VAV3: variants seen among roughly 807,000 people sequenced by gnomAD.
VAV3 encodes the protein guanine nucleotide exchange factor VAV3.
VAV3 carries 94 observed loss-of-function variants against 131.2 expected under a neutral mutation model. The observed-to-expected ratio is 0.72, with a 90% CI of 0.61 to 0.85. The LOEUF is 0.85. Ranked by LOEUF, VAV3 falls within the 40% of genes least tolerant of loss-of-function variation. The pLI is 0.00. For synonymous variants in VAV3, 349 were observed against 342.0 expected, an observed-to-expected ratio of 1.02 and a Z score of -0.22; for missense variants, 939 against 1,002.7, an observed-to-expected ratio of 0.94 and a Z score of 0.86.
chr1:107,777,772 T>C (rs1028053110), intron 3 of VAV3: 4 of 157,830 alleles, frequency 2.5e-5, no homozygotes, highest in Admixed American at 1.3e-4. Context: ...AGATGAAAAC[T>C]AGTAGAAGAC....
At chr1:107,751,045 A>T (rs1026336536) in intron 13 of VAV3, 72 bp downstream of exon 13, 1 of 1,440,722 alleles carries the variant, frequency 6.9e-7, no homozygotes, top group Middle Eastern at 2.1e-4. Flanking sequence ...CACTGGAAAA[A>T]TTGTCTTTAA....
chr1:107,884,020 A>T (rs1333530861), intron 1 of VAV3, among the ~76,000 whole-genome samples: 1 of 152,056 alleles, frequency 6.6e-6, no homozygotes, highest in Non-Finnish European at 1.5e-5. Flanking sequence ...TTCCTAAGTT[A>T]ATTAACCTGC....
intron 2 of VAV3, among the ~76,000 whole-genome samples, chr1:107,793,174 G>A (rs929131611): frequency 3.9e-5 from 6 of 152,010 alleles, no homozygotes; most frequent in African/African-American, 7.3e-5. Flanking sequence ...TTTTAGAGAC[G>A]GCTAAACTGA....
intron 24 of VAV3, among the ~76,000 whole-genome samples, chr1:107,600,532 CATAACAT>C (rs1651764374): frequency 6.6e-6 from 1 of 152,154 alleles, no homozygotes; most frequent in African/African-American, 2.4e-5. Flanking sequence ...AGATTTTATA[CATAACAT>C]ATAAGAAAAG....
At chr1:107,880,594 G>A (rs767256423) in intron 1 of VAV3, among the ~76,000 whole-genome samples, 28 of 152,098 alleles carry the variant, frequency 1.8e-4, no homozygotes, top group Non-Finnish European at 2.9e-4. Flanking sequence ...TCAGGAGCTC[G>A]AGACCAGCCT....
chr1:107,573,976 C>T (rs1570538803), intron 26 of VAV3, 71 bp downstream of exon 26: 1 of 1,575,692 alleles, frequency 6.3e-7, no homozygotes, highest in Non-Finnish European at 8.6e-7. Context: ...TCCCTGGTGC[C>T]ACAATGGGTG....
intron 15 of VAV3, among the ~76,000 whole-genome samples, chr1:107,729,670 C>T (rs922899359): frequency 6.6e-5 from 10 of 152,164 alleles, no homozygotes; most frequent in Non-Finnish European, 1.3e-4. Context: ...TAAACTGCTC[C>T]ATCATAATTT....
At chr1:107,634,952 T>G (rs1654800692) in intron 20 of VAV3, among the ~76,000 whole-genome samples, 1 of 151,618 alleles carries the variant, frequency 6.6e-6, no homozygotes, top group African/African-American at 2.4e-5. Context: ...ATGGCAATCA[T>G]TAAAAAGTCA....
At chr1:107,733,787 G>A (rs1331253226) in intron 15 of VAV3, among the ~76,000 whole-genome samples, 1 of 152,180 alleles carries the variant, frequency 6.6e-6, no homozygotes, top group Non-Finnish European at 1.5e-5. Flanking sequence ...AAAGTGACAG[G>A]GAGAATGGAA....
At chr1:107,850,577 G>C (rs773800520) in intron 2 of VAV3, among the ~76,000 whole-genome samples, 72 of 152,040 alleles carry the variant, frequency 4.7e-4, no homozygotes, top group Admixed American at 9.2e-4. Context: ...GTCGAGGGGT[G>C]GGGGGCAAGG....
intron 20 of VAV3, among the ~76,000 whole-genome samples, chr1:107,624,374 CTGTGTGTGTGTG>C (rs59476510): frequency 5.4e-4 from 77 of 143,184 alleles, no homozygotes; most frequent in South Asian, 2.1e-3. Flanking sequence ...AGTCTTATGA[CTGTGTGTGTGTG>C]TGTGTGTGTG....
chr1:107,934,584 T>C (rs941574824), intron 1 of VAV3, among the ~76,000 whole-genome samples: 4 of 152,198 alleles, frequency 2.6e-5, no homozygotes, highest in Non-Finnish European at 5.9e-5. Flanking sequence ...CTATGAAAAG[T>C]ATAGTTCTAA....
At chr1:107,592,057 G>A (rs1045508173) in intron 25 of VAV3, among the ~76,000 whole-genome samples, 1 of 104,968 alleles carries the variant, frequency 9.5e-6, no homozygotes, top group African/African-American at 3.1e-5. Context: ...ATATACATAC[G>A]TGTGTGTGTG....
intron 25 of VAV3, 100 bp from the exon 26 acceptor site, chr1:107,574,298 C>A: frequency 1.4e-6 from 2 of 1,432,824 alleles, no homozygotes; most frequent in South Asian, 1.4e-5. Flanking sequence ...AATGCACAGT[C>A]GTGATTTCAT....
chr1:107,717,639 A>T (rs1661193434), intron 15 of VAV3, among the ~76,000 whole-genome samples: 1 of 152,130 alleles, frequency 6.6e-6, no homozygotes, highest in Non-Finnish European at 1.5e-5. Context: ...ACATTTGCTG[A>T]GGAGTGTTTT....
At chr1:107,704,398 T>G in intron 17 of VAV3, 152 bp downstream of exon 17, 1 of 584,706 alleles carries the variant, frequency 1.7e-6, no homozygotes, top group Non-Finnish European at 2.9e-6. Flanking sequence ...CACGTAAATT[T>G]TAAGCATTTT....
At chr1:107,641,275 T>C (rs1655317186) in intron 20 of VAV3, among the ~76,000 whole-genome samples, 1 of 152,148 alleles carries the variant, frequency 6.6e-6, no homozygotes, top group African/African-American at 2.4e-5. Flanking sequence ...GCAAATAAAA[T>C]AGCTGTCCCT....
At chr1:107,869,848 T>C (rs572206649) in intron 2 of VAV3, among the ~76,000 whole-genome samples, 43 of 152,314 alleles carry the variant, frequency 2.8e-4, no homozygotes, top group Non-Finnish European at 4.9e-4. Context: ...TCTTATTCAT[T>C]TGCATCCTCA....
At chr1:107,923,024 C>T (rs902891733) in intron 1 of VAV3, among the ~76,000 whole-genome samples, 1 of 151,624 alleles carries the variant, frequency 6.6e-6, no homozygotes, top group South Asian at 2.1e-4. Flanking sequence ...TCTATGAAAC[C>T]ACCACCACAA....
Sources: gnomAD v4.1 joint callset for allele counts (sites outside exome capture counted in the v4.1 genomes callset) on GRCh38, gnomAD v4.1.1 for gene constraint, MANE v1.5 for transcripts, NCBI Gene and HGNC (gene_info 2026-07-23, HGNC 2026-07-21) for gene names.